The following FCGRT variants were observed in gnomAD, a reference collection of about 807,000 sequenced individuals.
The protein encoded by FCGRT is IgG receptor FcRn large subunit p51.
Under a neutral mutation model 35.7 loss-of-function variants are expected in FCGRT, and 13 were observed. That is an observed-to-expected ratio of 0.36 (90% confidence interval 0.24 to 0.58). The LOEUF is 0.58. FCGRT is among the 20% of genes least tolerant of loss of function. The pLI, the probability that FCGRT is intolerant of heterozygous loss-of-function variation, is 0.77. For synonymous variants in FCGRT, 233 were observed against 216.5 expected, an observed-to-expected ratio of 1.08 and a Z score of -0.67; for missense variants, 455 against 474.9, an observed-to-expected ratio of 0.96 and a Z score of 0.39.
At chr19:49,516,419 G>GTT (rs759161592) in intron 4 of FCGRT, among the ~76,000 whole-genome samples, 3 of 124,454 alleles carry the variant, frequency 2.4e-5, no homozygotes, top group East Asian at 2.4e-4. Flanking sequence ...ATTTTTGTTT[G>GTT]TTTTTTTTTT....
chr19:49,521,687 T>C (rs988332969), intron 4 of FCGRT: 1 of 151,212 alleles, frequency 6.6e-6, no homozygotes, highest in Non-Finnish European at 1.5e-5. Flanking sequence ...TTTTTTTCTT[T>C]GAGACAGGCA....
At chr19:49,520,280 C>A (rs1568701475) in intron 4 of FCGRT, among the ~76,000 whole-genome samples, 1 of 151,742 alleles carries the variant, frequency 6.6e-6, no homozygotes, top group Non-Finnish European at 1.5e-5. Flanking sequence ...CAGGCACACA[C>A]CACCACACCC....
At chr19:49,515,483 G>C (rs2080002153) in intron 4 of FCGRT, among the ~76,000 whole-genome samples, 1 of 151,916 alleles carries the variant, frequency 6.6e-6, no homozygotes, top group Non-Finnish European at 1.5e-5. Context: ...GTTTCGTCAT[G>C]GTAGCTAGGC....
At chr19:49,516,777 C>T (rs563838691) in intron 4 of FCGRT, among the ~76,000 whole-genome samples, 1 of 151,844 alleles carries the variant, frequency 6.6e-6, no homozygotes, top group Non-Finnish European at 1.5e-5. Context: ...AGGCTGGTCT[C>T]GAACTCCTGA....
At chr19:49,516,405 G>C (rs1568700037) in intron 4 of FCGRT, among the ~76,000 whole-genome samples, 1 of 150,572 alleles carries the variant, frequency 6.6e-6, no homozygotes, top group Non-Finnish European at 1.5e-5. Context: ...ACCACGCCTG[G>C]CTAATTTTTG....
Position 49,513,409 on chromosome 19 carries a change from C to A in FCGRT, c.9C>A (p.Val3=). 8.7e-7 allele frequency: 1 copy of A among 1,146,858 alleles called. No individual in the cohort carries two copies. The highest frequency in any genetic ancestry group is 1.7e-5 in the African/African-American group (1 of 60,592). The allele number at this position is 1,146,858 out of a possible 1,614,324, so 71.0% of individuals were successfully genotyped here. The stretch of plus-strand genomic sequence containing the variant: ...CAGGTCGTCCTCTCAGCATGGGGGT[C>A]CCGCGGCCTCAGCCCTGGGCGCTGG... MG[V]PRPQPWALGL... Residue 3 remains valine (V), a synonymous_variant, in exon 2 of 7, where the codon GTC becomes GTA. Coordinates refer to ENST00000221466, the MANE Select transcript of FCGRT (RefSeq NM_001136019.3).
At chr19:49,523,418 T>C (rs2080053692) in intron 4 of FCGRT, among the ~76,000 whole-genome samples, 1 of 151,210 alleles carries the variant, frequency 6.6e-6, no homozygotes, top group African/African-American at 2.4e-5. Flanking sequence ...AATAAAAAAA[T>C]TACCCGGCAT....
chr19:49,514,230 C>G lies in FCGRT; in HGVS notation c.345C>G (p.Gly115=), dbSNP rs761841505. 5.6e-6 allele frequency: 9 copies of G among 1,610,648 alleles called. No individual in the cohort carries two copies. The African/African-American group carries it at 9.3e-5, about 17-fold the overall frequency. ...LGGKGPYTLQ[G]LLGCELGPDN... ...CCCCAGGTCCCTACACTCTGCAGGGCCTGCTGGGCTGTGAACTGGGCCCTG... is the reference window on the plus strand; with the variant it reads ...CCCCAGGTCCCTACACTCTGCAGGGGCTGCTGGGCTGTGAACTGGGCCCTG... The change falls in exon 4 of 7, where the codon GGC becomes GGG. Residue 115 remains glycine (G), a synonymous_variant. Coordinates refer to ENST00000221466, the MANE Select transcript of FCGRT (RefSeq NM_001136019.3).
At chr19:49,524,922 C>T in intron 5 of FCGRT, 146 bp downstream of exon 5, 1 of 828,484 alleles carries the variant, frequency 1.2e-6, no homozygotes, top group Non-Finnish European at 2.0e-6. Flanking sequence ...GTCAGTGCCC[C>T]CAAAACCTGA....
chr19:49,523,789 G>A (rs1265211664), intron 4 of FCGRT, among the ~76,000 whole-genome samples: 1 of 143,174 alleles, frequency 7.0e-6, no homozygotes, highest in Non-Finnish European at 1.5e-5. Flanking sequence ...GAACCCAGGA[G>A]GCGGAGCTTG....
chr19:49,520,479 G>A (rs1856666240), intron 4 of FCGRT, among the ~76,000 whole-genome samples: 1 of 151,994 alleles, frequency 6.6e-6, no homozygotes, highest in Admixed American at 6.6e-5. Context: ...CAGGGTAGCT[G>A]GGACTACAGG....
chr19:49,513,356 G>A (rs1037453411), intron 1 of FCGRT, 31 bp from the exon 2 acceptor site: 21 of 913,924 alleles, frequency 2.3e-5, no homozygotes, highest in Admixed American at 4.4e-5. Flanking sequence ...GCCGGGGGTC[G>A]GGAGGAGTCA....
chr19:49,519,075 C>T lies in FCGRT; in HGVS notation c.601+4589C>T, dbSNP rs147987382. Among the ~76,000 whole-genome samples the T allele has an allele frequency of 3.2e-4, 49 of 151,684 alleles. No individual in the cohort carries two copies. In the East Asian group the frequency reaches 9.1e-3, roughly 28 times the overall value. On this transcript the variant is annotated intron_variant, in intron 4 of 6. Transcript: ENST00000221466. ...GGCAGGATGGTCTCGATCTCCTGAC[C>T]TCCTGATCCGCCTGCCTCAGCCTCC...
In FCGRT at chr19:49,518,329, CTT is replaced by C. The variant is rs1279679690; in HGVS notation, c.601+3847_601+3848del. Among the ~76,000 whole-genome samples, 4 of 147,336 alleles carry C rather than the reference CTT, an allele frequency of 2.7e-5. No homozygotes were observed. In the East Asian group the frequency reaches 5.9e-4, roughly 22 times the overall value. ...ACACATTTTGTTGTCTTTTCAGTGT[CTT>C]TTTCTGATTGTTGAATTTTTCTTTC... is the stretch of plus-strand genomic sequence containing the variant. On this transcript the variant is annotated intron_variant, in intron 4 of 6. Transcript: ENST00000221466.
Position 49,513,866 on chromosome 19 carries a change from CT to C in FCGRT, c.74-15del. The C allele has an allele frequency of 1.3e-6, 2 of 1,579,674 alleles. No homozygotes were observed. The highest frequency in any genetic ancestry group is 8.6e-7 in the Non-Finnish European group (1 of 1,161,994). On this transcript the variant is annotated splice_polypyrimidine_tract_variant and intron_variant, in intron 2 of 6. Coordinates refer to ENST00000221466, the MANE Select transcript of FCGRT (RefSeq NM_001136019.3). Reference sequence around the variant, plus strand: ...CCCCGCCCGTGTGCTCCCTTCAGCTCTGTTTCTGTCTGCAGAAAGCCACCTC... The same window carrying C: ...CCCCGCCCGTGTGCTCCCTTCAGCTCGTTTCTGTCTGCAGAAAGCCACCTC...
chr19:49,525,694 CAG>C (rs1218984472), intron 6 of FCGRT, 121 bp downstream of exon 6: 15 of 718,054 alleles, frequency 2.1e-5, no homozygotes, highest in East Asian at 5.4e-5. Flanking sequence ...GAGGTGGAGA[CAG>C]AAACCCAGAG....
intron 4 of FCGRT, among the ~76,000 whole-genome samples, chr19:49,524,195 T>A (rs1474210598): frequency 6.6e-6 from 1 of 151,840 alleles, no homozygotes; most frequent in Non-Finnish European, 1.5e-5. Flanking sequence ...TTAGTAGAGA[T>A]GGGGTTTCAC....
At chr19:49,525,665 G>A (rs1420595042) in intron 6 of FCGRT, 92 bp downstream of exon 6, 2 of 862,684 alleles carry the variant, frequency 2.3e-6, no homozygotes, top group African/African-American at 1.7e-5. Flanking sequence ...ACCCAGAGAG[G>A]GGGGACAGAG....
chr19:49,516,237 A>G (rs533617643), intron 4 of FCGRT: 119 of 427,904 alleles, frequency 2.8e-4, no homozygotes, highest in South Asian at 1.9e-3. Context: ...TTTCCTAAGT[A>G]GGGAAAATTT....
Sources: allele counts gnomAD v4.1 joint callset (sites outside exome capture counted in the v4.1 genomes callset), GRCh38; gene constraint gnomAD v4.1.1; transcripts MANE v1.5; gene names NCBI Gene and HGNC (gene_info 2026-07-23, HGNC 2026-07-21).